Variants in NKAIN2 observed in about 807,000 individuals in gnomAD.
The protein encoded by NKAIN2 is sodium/potassium-transporting ATPase subunit beta-1-interacting protein 2.
Under a neutral mutation model 32.6 loss-of-function variants are expected in NKAIN2, and 14 were observed. That is an observed-to-expected ratio of 0.43 (90% CI 0.28 to 0.67). NKAIN2 has a LOEUF of 0.67. Among genes scored for constraint, NKAIN2 ranks in the 30% least tolerant of loss-of-function variants. The pLI is 0.17. For synonymous variants in NKAIN2, 80 were observed against 87.2 expected (o/e 0.92, Z 0.46); for missense variants, 198 against 258.3 (o/e 0.77, Z 1.60).
intron 3 of NKAIN2, among the ~76,000 whole-genome samples, chr6:124,467,216 C>T (rs1320673163): frequency 6.6e-6 from 1 of 152,066 alleles, no homozygotes; most frequent in African/African-American, 2.4e-5. Context: ...CTTTTAACTT[C>T]ACAATAAGCA....
intron 1 of NKAIN2, among the ~76,000 whole-genome samples, chr6:123,871,271 A>G (rs1266817081): frequency 6.6e-6 from 1 of 152,106 alleles, no homozygotes; most frequent in Admixed American, 6.5e-5. Context: ...GTTAATAATG[A>G]TCTTTTTTAT....
chr6:124,431,882 C>CA (rs1775232331), intron 3 of NKAIN2, among the ~76,000 whole-genome samples: 1 of 151,808 alleles, frequency 6.6e-6, no homozygotes. Flanking sequence ...GCAACAACAA[C>CA]AAAAAACAAA....
intron 1 of NKAIN2, among the ~76,000 whole-genome samples, chr6:124,165,482 C>A (rs1043316053): frequency 4.6e-5 from 7 of 151,838 alleles, no homozygotes; most frequent in African/African-American, 1.7e-4. Flanking sequence ...ATATGTCCTC[C>A]AACTCTAACA....
intron 1 of NKAIN2, among the ~76,000 whole-genome samples, chr6:124,235,851 C>A (rs1006734355): frequency 2.6e-5 from 4 of 152,030 alleles, no homozygotes; most frequent in African/African-American, 4.8e-5. Flanking sequence ...CCCATCTCAG[C>A]CTCCCAAAGT....
intron 1 of NKAIN2, among the ~76,000 whole-genome samples, chr6:123,860,566 A>G (rs899399819): frequency 3.9e-5 from 6 of 152,064 alleles, no homozygotes; most frequent in Non-Finnish European, 8.8e-5. Context: ...ACATGCCACC[A>G]TACCCAGCTA....
rs770741124 is a variant in NKAIN2 at position 124,791,417 on chromosome 6, A to G, written c.535+18A>G. 37 of 1,553,762 alleles carry G rather than the reference A, an allele frequency of 2.4e-5. No individual in the cohort carries two copies. The highest frequency in any genetic ancestry group is 3.2e-5 in the Non-Finnish European group (36 of 1,129,106). On this transcript the variant is annotated intron_variant, in intron 5 of 6. Transcript: ENST00000368417. ...GGACAGCTGTAAGTATTAAAGCTCT[A>G]TTCTGTTTCTTTCAAGTTCAAAGCA...
intron 4 of NKAIN2, among the ~76,000 whole-genome samples, chr6:124,673,488 G>A (rs909308696): frequency 6.6e-6 from 1 of 151,974 alleles, no homozygotes; most frequent in Non-Finnish European, 1.5e-5. Context: ...TACATTTCAA[G>A]CATCAGTACA....
chr6:124,161,769 A>G (rs1018244660), intron 1 of NKAIN2, among the ~76,000 whole-genome samples: 1 of 152,076 alleles, frequency 6.6e-6, no homozygotes, highest in Non-Finnish European at 1.5e-5. Context: ...TAAAGATGGC[A>G]ACAATATACA....
intron 3 of NKAIN2, among the ~76,000 whole-genome samples, chr6:124,434,790 A>G (rs1775365683): frequency 6.6e-6 from 1 of 152,200 alleles, no homozygotes; most frequent in Admixed American, 6.5e-5. Flanking sequence ...TAATAGCAGT[A>G]TAAGTTTTGA....
At chr6:124,715,619 G>A (rs1300722282) in intron 4 of NKAIN2, among the ~76,000 whole-genome samples, 3 of 152,188 alleles carry the variant, frequency 2.0e-5, no homozygotes, top group Non-Finnish European at 4.4e-5. Context: ...TGAGGTGGAC[G>A]AGCTTGGAGA....
chr6:124,568,776 G>T (rs73772159), intron 3 of NKAIN2, among the ~76,000 whole-genome samples: 1,863 of 137,546 alleles, frequency 0.014, 37 homozygotes, highest in African/African-American at 0.049. Context: ...AAAAGACTCT[G>T]GTTCAGCTTT....
intron 3 of NKAIN2, among the ~76,000 whole-genome samples, chr6:124,559,988 G>A (rs116136458): frequency 0.01 from 1,574 of 151,964 alleles, 26 homozygotes; most frequent in African/African-American, 0.036. Context: ...TTAACACCCA[G>A]TCAAAGCACC....
intron 3 of NKAIN2, among the ~76,000 whole-genome samples, chr6:124,434,831 G>A (rs569905387): frequency 2.0e-5 from 3 of 152,024 alleles, no homozygotes; most frequent in Admixed American, 6.6e-5. Context: ...GTAGGGTCAC[G>A]TAGTGGGTCA....
intron 3 of NKAIN2, among the ~76,000 whole-genome samples, chr6:124,412,347 G>A (rs1352315336): frequency 6.6e-6 from 1 of 152,060 alleles, no homozygotes; most frequent in Non-Finnish European, 1.5e-5. Flanking sequence ...CGTACAGATG[G>A]GTTTGGTGTG....
intron 3 of NKAIN2, among the ~76,000 whole-genome samples, chr6:124,377,421 G>A (rs1018112954): frequency 6.6e-6 from 1 of 152,148 alleles, no homozygotes; most frequent in African/African-American, 2.4e-5. Context: ...TAATTGCAAT[G>A]GTGTGTGATG....
At chr6:124,369,116 C>T (rs1170512214) in intron 3 of NKAIN2, among the ~76,000 whole-genome samples, 1 of 152,056 alleles carries the variant, frequency 6.6e-6, no homozygotes, top group Non-Finnish European at 1.5e-5. Flanking sequence ...TAGTATCCTG[C>T]TGGAAATAAA....
intron 3 of NKAIN2, among the ~76,000 whole-genome samples, chr6:124,385,159 C>G (rs1772838678): frequency 6.6e-6 from 1 of 152,112 alleles, no homozygotes; most frequent in Admixed American, 6.6e-5. Flanking sequence ...GGAAAAAGCT[C>G]AACACCTGAA....
intron 3 of NKAIN2, among the ~76,000 whole-genome samples, chr6:124,457,791 A>G (rs1302832661): frequency 6.6e-6 from 1 of 151,878 alleles, no homozygotes; most frequent in Non-Finnish European, 1.5e-5. Flanking sequence ...GATGCTGAGG[A>G]CTCAGAGATA....
At chr6:124,200,017 G>C (rs1790521075) in intron 1 of NKAIN2, among the ~76,000 whole-genome samples, 1 of 152,102 alleles carries the variant, frequency 6.6e-6, no homozygotes, top group South Asian at 2.1e-4. Flanking sequence ...AGGATAGAAG[G>C]TATGAGGAAA....
Sources: allele counts gnomAD v4.1 joint callset (sites outside exome capture counted in the v4.1 genomes callset), GRCh38; gene constraint gnomAD v4.1.1; transcripts MANE v1.5; gene names NCBI Gene and HGNC (gene_info 2026-07-23, HGNC 2026-07-21).